The following ACTR3C variants were observed in gnomAD, a reference collection of about 807,000 sequenced individuals.
ACTR3C encodes the protein actin-related protein 3C.
ACTR3C carries 18 observed loss-of-function variants against 26.3 expected under a neutral mutation model. The observed-to-expected ratio is 0.68, with a 90% CI of 0.47 to 1.01. The LOEUF (loss-of-function observed/expected upper bound fraction) is 1.01. Ranked by LOEUF, ACTR3C falls within the 50% of genes least tolerant of loss-of-function variation. ACTR3C has a pLI of 0.00. For missense variants in ACTR3C, 184 were observed against 250.7 expected (o/e 0.73, Z 1.80); for synonymous variants, 55 against 94.5 (o/e 0.58, Z 2.42).
chr7:150,089,676 G>A, the ACTR3C span, among the ~76,000 whole-genome samples: 2 of 152,208 alleles, frequency 1.3e-5, no homozygotes, highest in African/African-American at 4.8e-5. Flanking sequence ...GCCACGCCCA[G>A]ATGAATCCAC....
the ACTR3C span, among the ~76,000 whole-genome samples, chr7:149,896,964 G>A: frequency 1.3e-5 from 2 of 151,608 alleles, no homozygotes; most frequent in African/African-American, 2.4e-5. Flanking sequence ...GGGAGGCTGA[G>A]GCAGGAGAAT....
chr7:150,110,258 A>G, the ACTR3C span, among the ~76,000 whole-genome samples: 1 of 151,718 alleles, frequency 6.6e-6, no homozygotes. Flanking sequence ...GGCAAAGCAA[A>G]AACAGTAAGA....
chr7:150,058,170 C>T, the ACTR3C span, among the ~76,000 whole-genome samples: 1 of 152,148 alleles, frequency 6.6e-6, no homozygotes, highest in Non-Finnish European at 1.5e-5. Flanking sequence ...AGAAATAATC[C>T]TACGTTTGTA....
chr7:150,063,804 G>A, the ACTR3C span, among the ~76,000 whole-genome samples: 1 of 152,082 alleles, frequency 6.6e-6, no homozygotes, highest in East Asian at 1.9e-4. Context: ...TAGATGCCAG[G>A]GAATATCACC....
intron 6 of ACTR3C, among the ~76,000 whole-genome samples, chr7:150,261,449 T>A (rs1049198147): frequency 6.6e-5 from 10 of 152,238 alleles, no homozygotes; most frequent in Admixed American, 4.6e-4. Context: ...CCATACATTT[T>A]TATTACTCCA....
the ACTR3C span, among the ~76,000 whole-genome samples, chr7:150,104,664 G>A: frequency 0.74 from 112,390 of 151,366 alleles, 42,025 homozygotes; most frequent in African/African-American, 0.79. Context: ...ATTTACTACA[G>A]TAAATGACAC....
the ACTR3C span, among the ~76,000 whole-genome samples, chr7:150,029,148 G>A: frequency 6.6e-6 from 1 of 152,040 alleles, no homozygotes; most frequent in Admixed American, 6.5e-5. Flanking sequence ...TCCCACAGTG[G>A]CCTGTGTTCA....
At chr7:150,215,283 C>T in the ACTR3C span, among the ~76,000 whole-genome samples, 4 of 152,140 alleles carry the variant, frequency 2.6e-5, no homozygotes, top group African/African-American at 9.7e-5. Flanking sequence ...GCTTCATCAG[C>T]TTTTTCACAG....
At chr7:150,235,466 T>C in the ACTR3C span, among the ~76,000 whole-genome samples, 2 of 152,206 alleles carry the variant, frequency 1.3e-5, no homozygotes, top group Admixed American at 1.3e-4. Flanking sequence ...CGAAGCATCT[T>C]TGCTATGGCT....
chr7:149,967,192 G>A, the ACTR3C span, among the ~76,000 whole-genome samples: 6 of 151,670 alleles, frequency 4.0e-5, no homozygotes, highest in African/African-American at 1.2e-4. Flanking sequence ...CCACCACCAC[G>A]CCCGGCTAAT....
At chr7:150,197,193 T>C in the ACTR3C span, among the ~76,000 whole-genome samples, 1 of 152,152 alleles carries the variant, frequency 6.6e-6, no homozygotes, top group Non-Finnish European at 1.5e-5. Flanking sequence ...CTCTGCACTC[T>C]TCCCAGGCTT....
At chr7:150,002,356 T>TTGG in the ACTR3C span, 21,055 of 152,146 alleles carry the variant, frequency 0.14, 1,721 homozygotes, top group South Asian at 0.2. Context: ...AACATGCAGC[T>TTGG]CTCTCTGCGC....
At chr7:150,051,650 C>A in the ACTR3C span, among the ~76,000 whole-genome samples, 1 of 142,480 alleles carries the variant, frequency 7.0e-6, no homozygotes, top group African/African-American at 2.6e-5. Context: ...AAACCAAATG[C>A]CCCCAACCCA....
At chr7:150,197,855 C>G in the ACTR3C span, among the ~76,000 whole-genome samples, 1 of 136,358 alleles carries the variant, frequency 7.3e-6, no homozygotes, top group African/African-American at 2.5e-5. Flanking sequence ...TCCCTCTCCC[C>G]TCTCCCCTCT....
the ACTR3C span, among the ~76,000 whole-genome samples, chr7:149,946,167 G>T: frequency 6.6e-6 from 1 of 152,220 alleles, no homozygotes; most frequent in African/African-American, 2.4e-5. Flanking sequence ...CCTGGCCTGG[G>T]CCAGCGCTCC....
chr7:150,286,905 G>T (rs1446509586), intron 4 of ACTR3C, among the ~76,000 whole-genome samples: 1 of 151,882 alleles, frequency 6.6e-6, no homozygotes, highest in East Asian at 1.9e-4. Context: ...CCTCACTGTG[G>T]TCCACACTGG....
the ACTR3C span, among the ~76,000 whole-genome samples, chr7:150,183,210 C>A: frequency 4.0e-5 from 6 of 150,256 alleles, no homozygotes; most frequent in Admixed American, 1.3e-4. Flanking sequence ...AGCTAAATGG[C>A]AAACCAAGAT....
chr7:150,129,917 C>T, the ACTR3C span, among the ~76,000 whole-genome samples: 8 of 152,046 alleles, frequency 5.3e-5, no homozygotes, highest in Admixed American at 5.2e-4. Context: ...CTTAAACGAC[C>T]TGATTTTAAG....
intron 1 of ACTR3C, among the ~76,000 whole-genome samples, chr7:150,301,550 A>G (rs1424813939): frequency 6.6e-6 from 1 of 152,252 alleles, no homozygotes; most frequent in African/African-American, 2.4e-5. Flanking sequence ...TGAAATAACC[A>G]AAAGAGAAAG....
Sources: allele counts gnomAD v4.1 joint callset (sites outside exome capture counted in the v4.1 genomes callset), GRCh38; gene constraint gnomAD v4.1.1; transcripts MANE v1.5; gene names NCBI Gene and HGNC (gene_info 2026-07-23, HGNC 2026-07-21).